Variants in KIF26B observed in about 807,000 individuals in gnomAD.
The protein encoded by KIF26B is kinesin family member 26B.
Under a neutral mutation model 151.2 loss-of-function variants are expected in KIF26B, and 63 were observed. That is an observed-to-expected ratio of 0.42 (90% CI 0.34 to 0.51). The LOEUF (loss-of-function observed/expected upper bound fraction) is 0.51, where lower values mean the gene tolerates loss of function less well. KIF26B is among the 20% of genes least tolerant of loss of function. The pLI is 0.07. For synonymous variants in KIF26B, 1,357 were observed against 1,262.1 expected, an observed-to-expected ratio of 1.08 and a Z score of -1.59; for missense variants, 2,813 against 2,913.6, an observed-to-expected ratio of 0.97 and a Z score of 0.79.
At position 245,156,297 on chromosome 1, in the gene KIF26B, T is replaced by C; in HGVS notation, c.79T>C (p.Ser27Pro). Residue 27 changes from serine to proline, a missense_variant, in exon 2 of 15, where the codon TCG (serine) becomes CCG (proline). Physicochemically the swap from Ser to Pro is moderately conservative, Grantham distance 74. Coordinates refer to ENST00000407071, the MANE Select transcript of KIF26B (RefSeq NM_018012.4). ...TTCCCCGCAGGTGAATGAAGTCTGC[T>C]CGCCCACCAAGCCCGCAGCGCCCTT... is the stretch of plus-strand genomic sequence containing the variant. Reference protein sequence around the residue: ...GKKYGVNEVCSPTKPAAPFSP... With the variant: ...GKKYGVNEVCPPTKPAAPFSP... 6.5e-7 allele frequency: 1 copy of C among 1,547,072 alleles called. No individual in the cohort carries two copies. Among genetic ancestry groups the C allele is most frequent in the Middle Eastern group, 1.8e-4 (1 of 5,416 alleles).
chr1:245,434,598 G>A (rs144523609), intron 4 of KIF26B, among the ~76,000 whole-genome samples: 16 of 152,250 alleles, frequency 1.1e-4, no homozygotes, highest in Admixed American at 2.6e-4. Flanking sequence ...GACTCTGCCC[G>A]AGGGTTTCCT....
intron 10 of KIF26B, among the ~76,000 whole-genome samples, chr1:245,680,786 G>A (rs1317595517): frequency 1.3e-5 from 2 of 152,180 alleles, no homozygotes; most frequent in Admixed American, 6.5e-5. Flanking sequence ...TCTCCGACAC[G>A]GGCAGAGGGG....
At chr1:245,449,498 T>C (rs1451937397) in intron 4 of KIF26B, among the ~76,000 whole-genome samples, 1 of 152,190 alleles carries the variant, frequency 6.6e-6, no homozygotes, top group Non-Finnish European at 1.5e-5. Context: ...TTCCCACACC[T>C]GATTTCCATG....
intron 2 of KIF26B, among the ~76,000 whole-genome samples, chr1:245,345,116 A>G (rs538008817): frequency 8.5e-5 from 13 of 152,260 alleles, no homozygotes; most frequent in Non-Finnish European, 1.5e-4. Context: ...CCTTGTGACC[A>G]TTGACTCATA....
chr1:245,604,155 C>G (rs1256418295), intron 6 of KIF26B, among the ~76,000 whole-genome samples: 1 of 152,148 alleles, frequency 6.6e-6, no homozygotes, highest in East Asian at 1.9e-4. Flanking sequence ...CCTACTTTGC[C>G]TGGAGTTTGC....
intron 5 of KIF26B, among the ~76,000 whole-genome samples, chr1:245,547,003 T>C (rs1307750432): frequency 6.6e-6 from 1 of 152,196 alleles, no homozygotes; most frequent in African/African-American, 2.4e-5. Context: ...ATCTTCGCGG[T>C]TTCTTTTTTC....
At chr1:245,176,180 G>C (rs916900120) in intron 2 of KIF26B, among the ~76,000 whole-genome samples, 2 of 151,862 alleles carry the variant, frequency 1.3e-5, no homozygotes, top group African/African-American at 2.4e-5. Flanking sequence ...TGTATTTTTA[G>C]TAGAGACGGG....
chr1:245,203,587 T>C, intron 2 of KIF26B, among the ~76,000 whole-genome samples: 1 of 152,208 alleles, frequency 6.6e-6, no homozygotes, highest in Admixed American at 6.5e-5. Flanking sequence ...GGACCCCCAA[T>C]TGCCACACCG....
At chr1:245,210,519 T>TTTC (rs1669496776) in intron 2 of KIF26B, among the ~76,000 whole-genome samples, 1 of 151,964 alleles carries the variant, frequency 6.6e-6, no homozygotes, top group Admixed American at 6.6e-5. Context: ...TTTTTTTTTT[T>TTTC]TTTTTTACTG....
chr1:245,204,312 G>A (rs1053660667), intron 2 of KIF26B, among the ~76,000 whole-genome samples: 1 of 151,998 alleles, frequency 6.6e-6, no homozygotes, highest in Non-Finnish European at 1.5e-5. Flanking sequence ...ACTATTTGGA[G>A]CATCACTCCA....
intron 14 of KIF26B, among the ~76,000 whole-genome samples, chr1:245,699,314 C>T (rs762478871): frequency 6.6e-6 from 1 of 152,126 alleles, no homozygotes; most frequent in Non-Finnish European, 1.5e-5. Flanking sequence ...TTTCCCCCTG[C>T]GTGTGGCAGA....
chr1:245,188,008 G>C (rs1361263763), intron 2 of KIF26B, among the ~76,000 whole-genome samples: 1 of 151,964 alleles, frequency 6.6e-6, no homozygotes, highest in Admixed American at 6.6e-5. Context: ...GGCCGGGCGC[G>C]GTGGCTCATG....
chr1:245,401,615 T>C (rs371881545), intron 3 of KIF26B, among the ~76,000 whole-genome samples: 3 of 152,296 alleles, frequency 2.0e-5, no homozygotes, highest in East Asian at 1.9e-4. Context: ...ACGCCTGTAA[T>C]CCCAGCAGTT....
chr1:245,155,345 G>C lies in KIF26B; in HGVS notation c.-80G>C. On this transcript the variant is annotated 5_prime_UTR_variant, in exon 1 of 15. Transcript: ENST00000407071. ...GGCTGAGAGCCAGCCCCCTGCAGCC[G>C]GGGGACGCTTCTGGGTTGGAGGACC... 1 of 1,203,658 alleles carries C rather than the reference G, an allele frequency of 8.3e-7. No homozygotes were observed. The highest frequency in any genetic ancestry group is 1.2e-6 in the Non-Finnish European group (1 of 831,744). 74.6% of individuals were successfully genotyped at this position (1,203,658 alleles called of 1,614,324 possible). A position where few individuals can be genotyped will look rare whatever the true frequency, so the allele number is the denominator to read the frequency against.
At chr1:245,213,386 A>G (rs1474537444) in intron 2 of KIF26B, among the ~76,000 whole-genome samples, 1 of 152,168 alleles carries the variant, frequency 6.6e-6, no homozygotes, top group Non-Finnish European at 1.5e-5. Context: ...GGGTCTGCCC[A>G]TTTCTCATGC....
intron 6 of KIF26B, among the ~76,000 whole-genome samples, chr1:245,603,179 T>TTAGGCCATCTCC (rs1427694305): frequency 6.6e-6 from 1 of 151,938 alleles, no homozygotes; most frequent in African/African-American, 2.4e-5. Context: ...CTGATTAGAA[T>TTAGGCCATCTCC]TAGGCCATCT....
chr1:245,476,884 A>G (rs1660053343), intron 4 of KIF26B, among the ~76,000 whole-genome samples: 1 of 151,680 alleles, frequency 6.6e-6, no homozygotes, highest in South Asian at 2.1e-4. Flanking sequence ...TAAACAATAC[A>G]TGCACCCCCA....
intron 2 of KIF26B, among the ~76,000 whole-genome samples, chr1:245,159,534 A>G (rs1309345194): frequency 6.6e-6 from 1 of 152,230 alleles, no homozygotes; most frequent in African/African-American, 2.4e-5. Context: ...TTAGAGAAAG[A>G]TATGAGGGTT....
At chr1:245,435,381 C>T (rs1038610263) in intron 4 of KIF26B, among the ~76,000 whole-genome samples, 8 of 152,144 alleles carry the variant, frequency 5.3e-5, no homozygotes, top group Admixed American at 3.9e-4. Flanking sequence ...CTTTTGCTCT[C>T]CCGGTGTCTT....
Sources: gnomAD v4.1 joint callset for allele counts (sites outside exome capture counted in the v4.1 genomes callset) on GRCh38, gnomAD v4.1.1 for gene constraint, MANE v1.5 for transcripts, NCBI Gene and HGNC (gene_info 2026-07-23, HGNC 2026-07-21) for gene names.